The following ZC3H4 variants were observed in gnomAD, a reference collection of about 807,000 sequenced individuals.
ZC3H4 encodes zinc finger CCCH-type containing 4.
Under a neutral mutation model 108.3 loss-of-function variants are expected in ZC3H4, and 13 were observed. The observed-to-expected ratio is 0.12, with a 90% CI of 0.08 to 0.19. The LOEUF (loss-of-function observed/expected upper bound fraction) is 0.19. Among genes scored for constraint, ZC3H4 ranks in the 10% least tolerant of loss-of-function variants. The pLI, the probability that ZC3H4 is intolerant of heterozygous loss-of-function variation, is 1.00. For synonymous variants in ZC3H4, 917 were observed against 749.6 expected (o/e 1.22, Z -3.65); for missense variants, 1,734 against 1,838.8 (o/e 0.94, Z 1.04).
In ZC3H4 at chr19:47,093,696, A is replaced by G. The variant is rs960038005; in HGVS notation, c.492+274T>C. The G allele has an allele frequency of 7.4e-5, 23 of 312,748 alleles. No homozygotes were observed. In the Admixed American group the frequency reaches 9.7e-4, roughly 13 times the overall value. The allele number at this position is 312,748 out of a possible 1,614,324, so 19.4% of individuals were successfully genotyped here. A position where few individuals can be genotyped will look rare whatever the true frequency, so the allele number is the denominator to read the frequency against. On this transcript the variant is annotated intron_variant, in intron 4 of 14. Transcript: ENST00000253048. ...AACCTTAAACTTCTGGGCTCAAGGG[A>G]TCTTCTCACCTCTGCCTCCTGAGTA...
Position 47,072,588 on chromosome 19 carries a change from C to T in ZC3H4, c.1566G>A (p.Arg522=). The T allele has an allele frequency of 1.3e-6, 2 of 1,594,654 alleles. No individual in the cohort carries two copies. The highest frequency in any genetic ancestry group is 2.2e-5 in the South Asian group (2 of 89,196). Residue 522 remains arginine (R), a synonymous_variant, in exon 12 of 15, where the codon CGG becomes CGA. Coordinates refer to ENST00000253048, the MANE Select transcript of ZC3H4 (RefSeq NM_015168.2). This position sits in a 1 kb window ranked among gnomAD's most constrained non-coding sequence, Gnocchi z 5.6. ...AGGTTGGAGCCTGCGGGCCAGGGGGCCGAGGAGGGGTGGGCAGGAGGCCCA... is the reference window on the plus strand; with the variant it reads ...AGGTTGGAGCCTGCGGGCCAGGGGGTCGAGGAGGGGTGGGCAGGAGGCCCA... ...PGVGLLPTPP[R]PPGPQAPTSP... is the part of the protein sequence containing the mutation.
chr19:47,084,335 C>A lies in ZC3H4; in HGVS notation c.1218+10G>T. On this transcript the variant is annotated intron_variant, in intron 9 of 14. Transcript: ENST00000253048. ...CCTCCTAGAGGTGCCCAGCTTTCAG[C>A]GCTCCTTACCCAGGTGCAGCGCCCT... The A allele has an allele frequency of 6.2e-7, 1 of 1,613,696 alleles. No individual in the cohort carries two copies. The highest frequency in any genetic ancestry group is 8.5e-7 in the Non-Finnish European group (1 of 1,179,632).
At chr19:47,069,454 A>C in intron 13 of ZC3H4, 111 bp from the exon 14 acceptor site, 1 of 1,392,514 alleles carries the variant, frequency 7.2e-7, no homozygotes, top group Non-Finnish European at 9.6e-7. Context: ...AGAAGGACGC[A>C]CAGCCTGCCC....
rs754354211 is a variant in ZC3H4 at position 47,067,362 on chromosome 19, C to G, written c.2906G>C (p.Ser969Thr). ...CACGGTGCGGGCGAAGCTGGGCTTG[C>G]TCAGGGTCACGTCCTTCTTGATGTG... ...FSHIKKDVTL[S>T]KPSFARTVLW... is the part of the protein sequence containing the mutation. The change falls in exon 15 of 15, where the codon AGC (serine) becomes ACC (threonine). Residue 969 changes from serine (S) to threonine (T), a missense_variant. By Grantham distance (58) the Ser-to-Thr change is moderately conservative. Transcript: ENST00000253048. The surrounding 1 kb of genome is among the most constrained non-coding windows in gnomAD (Gnocchi z 6.4). The G allele has an allele frequency of 4.4e-6, 7 of 1,606,754 alleles. No individual in the cohort carries two copies. The highest frequency in any genetic ancestry group is 5.1e-6 in the Non-Finnish European group (6 of 1,175,980).
At position 47,069,161 on chromosome 19, in the gene ZC3H4, G is replaced by T; in HGVS notation, c.2329C>A (p.Gln777Lys). The change falls in exon 14 of 15, where the codon CAG becomes AAG. Residue 777 changes from glutamine (Q) to lysine (K), a missense_variant. This residue lies in a region of ZC3H4 where 540 missense variants were observed against 484.1 expected (regional missense o/e 1.12). Coordinates refer to ENST00000253048, the MANE Select transcript of ZC3H4 (RefSeq NM_015168.2). The stretch of plus-strand genomic sequence containing the variant: ...CTCGCTCTCTCCTCCTCCTCCTGCT[G>T]CTTCTGCTGGATCCTCAGGTACAGG... ...RALYLRIQQK[Q>K]QEEEERARRL... is the part of the protein sequence containing the mutation. 6.2e-7 allele frequency: 1 copy of T among 1,608,562 alleles called. No homozygotes were observed.
chr19:47,110,832 G>C (rs888140665), intron 2 of ZC3H4: 1 of 871,118 alleles, frequency 1.1e-6, no homozygotes, highest in African/African-American at 1.8e-5. Context: ...GATGGGCTGC[G>C]ATTCCCAGGA....
chr19:47,112,049 G>A (rs143660183), intron 2 of ZC3H4: 13,068 of 891,600 alleles, frequency 0.015, 120 homozygotes, highest in Non-Finnish European at 0.016. Flanking sequence ...CGGGCGCAGG[G>A]GCAGCCAGGA....
chr19:47,065,496 T>C lies in ZC3H4; in HGVS notation c.*860A>G, dbSNP rs1232035389. On this transcript the variant is annotated 3_prime_UTR_variant, in exon 15 of 15. Coordinates refer to ENST00000253048, the MANE Select transcript of ZC3H4 (RefSeq NM_015168.2). ...GTGGCTTGAGGACCAGGACAGACCC[T>C]GGTGTGGGCAAGCAGGGTGTGGCCC... 1 of 152,722 alleles carries C rather than the reference T, an allele frequency of 6.5e-6. No individual in the cohort carries two copies. Among genetic ancestry groups the C allele is most frequent in the Non-Finnish European group, 1.5e-5 (1 of 68,198 alleles). 9.5% of individuals were successfully genotyped at this position (152,722 alleles called of 1,614,324 possible).
chr19:47,086,622 G>T, intron 5 of ZC3H4, 84 bp from the exon 6 acceptor site: 1 of 1,475,952 alleles, frequency 6.8e-7, no homozygotes, highest in South Asian at 1.4e-5. Flanking sequence ...TTGCTCCTGA[G>T]GTCAATCACT....
Position 47,101,597 on chromosome 19 carries a change from G to A in ZC3H4, c.162-6989C>T, listed in dbSNP as rs369114127. 2.0e-4 allele frequency among the ~76,000 whole-genome samples: 31 copies of A among 151,888 alleles called. 2 individuals carry two copies. Among genetic ancestry groups the A allele is most frequent in the Admixed American group, 7.9e-4 (12 of 15,264 alleles). ...TAAGAAAGAAAAAAGTTCTGGCCAG[G>A]TACGGTGGCTCATGCCAGTAATCCC... On this transcript the variant is annotated intron_variant, in intron 2 of 14. Coordinates refer to ENST00000253048, the MANE Select transcript of ZC3H4 (RefSeq NM_015168.2).
rs1323875890 is a variant in ZC3H4, at chr19:47,066,486, T to C, written c.3782A>G (p.Gln1261Arg). 6.3e-7 allele frequency: 1 copy of C among 1,582,430 alleles called. No homozygotes were observed. The highest frequency in any genetic ancestry group is 1.2e-5 in the South Asian group (1 of 85,908). ...GCTTCCTGAGCCCGTCTTGGGTGTC[T>C]GCTTCACCGTCCCGAAGAGGGTGGG... is the stretch of plus-strand genomic sequence containing the variant. ...PVPTLFGTVK[Q>R]TPKTGSGSPF... The change falls in exon 15 of 15, where the codon CAG becomes CGG. Residue 1261 changes from glutamine (Q) to arginine (R), a missense_variant. This residue lies in a region of ZC3H4 where 518 missense variants were observed against 499.6 expected (regional missense o/e 1.04). Coordinates refer to ENST00000253048, the MANE Select transcript of ZC3H4 (RefSeq NM_015168.2).
intron 2 of ZC3H4, among the ~76,000 whole-genome samples, chr19:47,102,272 G>A (rs1274019967): frequency 6.6e-6 from 1 of 151,894 alleles, no homozygotes; most frequent in Non-Finnish European, 1.5e-5. Flanking sequence ...ACTTTTGGAT[G>A]CAAAGACCAG....
At chr19:47,085,558 G>T in intron 6 of ZC3H4, 144 bp from the exon 7 acceptor site, 2 of 708,604 alleles carry the variant, frequency 2.8e-6, no homozygotes, top group Non-Finnish European at 4.5e-6. Context: ...CCTGACGACA[G>T]GTGGTCCCAA....
chr19:47,101,648 G>A (rs1392709377), intron 2 of ZC3H4, among the ~76,000 whole-genome samples: 1 of 151,930 alleles, frequency 6.6e-6, no homozygotes, highest in Non-Finnish European at 1.5e-5. Context: ...TGAGGCGGGC[G>A]GATCACTAGA....
chr19:47,108,302 T>C (rs2057992772), intron 2 of ZC3H4, among the ~76,000 whole-genome samples: 1 of 152,196 alleles, frequency 6.6e-6, no homozygotes, highest in South Asian at 2.1e-4. Context: ...AATTAAGTTC[T>C]CTAGAATCTG....
chr19:47,092,816 CAATAAATAAATA>C (rs57195521), intron 4 of ZC3H4, among the ~76,000 whole-genome samples: 57 of 146,940 alleles, frequency 3.9e-4, no homozygotes, highest in African/African-American at 7.2e-4. Flanking sequence ...GACTCCGTCT[CAATAAATAAATA>C]AATAAATAAA....
chr19:47,077,852 C>T (rs965441453), intron 11 of ZC3H4, among the ~76,000 whole-genome samples: 5 of 144,348 alleles, frequency 3.5e-5, no homozygotes, highest in Non-Finnish European at 6.0e-5. Flanking sequence ...AGCAAAACTC[C>T]GTCTCAAACA....
chr19:47,082,365 GAAGA>G, intron 9 of ZC3H4, 70 bp from the exon 10 acceptor site: 5 of 1,157,532 alleles, frequency 4.3e-6, no homozygotes, highest in Non-Finnish European at 5.2e-6. Context: ...TCTGCAAAGG[GAAGA>G]AATACTGTCA....
chr19:47,079,266 T>C (rs929118760), intron 11 of ZC3H4, among the ~76,000 whole-genome samples: 1 of 151,400 alleles, frequency 6.6e-6, no homozygotes, highest in African/African-American at 2.4e-5. Context: ...CAACCTCAGG[T>C]GATCCGTCTG....
Sources: allele counts gnomAD v4.1 joint callset (sites outside exome capture counted in the v4.1 genomes callset), GRCh38; gene constraint gnomAD v4.1.1; regional missense constraint gnomAD v4.1.1; non-coding constraint Gnocchi (gnomAD v3.1); transcripts MANE v1.5; gene names NCBI Gene and HGNC (gene_info 2026-07-23, HGNC 2026-07-21).